The following CSMD1 variants were observed in gnomAD, a reference collection of about 807,000 sequenced individuals.
CSMD1 encodes CUB and sushi domain-containing protein 1.
A neutral mutation model predicts 417.5 loss-of-function variants in CSMD1; 213 were observed. That is an observed-to-expected ratio of 0.51 (90% CI 0.46 to 0.57). The LOEUF is 0.57. Ranked by LOEUF, CSMD1 falls within the 20% of genes least tolerant of loss-of-function variation. CSMD1 has a pLI of 0.00. For missense variants in CSMD1, 6,923 were observed against 4,529.7 expected (o/e 1.53, Z -15.17); for synonymous variants, 2,862 against 1,736.8 (o/e 1.65, Z -16.11).
intron 5 of CSMD1, among the ~76,000 whole-genome samples, chr8:3,947,498 G>A (rs1378195732): frequency 1.3e-5 from 2 of 151,992 alleles, no homozygotes; most frequent in Non-Finnish European, 2.9e-5. Flanking sequence ...TAGGTAATAT[G>A]TACTTCATAT....
At chr8:4,237,694 G>T (rs910806740) in intron 3 of CSMD1, among the ~76,000 whole-genome samples, 1 of 152,032 alleles carries the variant, frequency 6.6e-6, no homozygotes, top group African/African-American at 2.4e-5. Context: ...TTTACTTTTT[G>T]TAGAGACATG....
intron 1 of CSMD1, among the ~76,000 whole-genome samples, chr8:4,842,822 T>A (rs924217608): frequency 4.6e-5 from 7 of 152,236 alleles, no homozygotes; most frequent in Non-Finnish European, 1.0e-4. Flanking sequence ...GTGAGTCACT[T>A]TCTCAAAGTA....
Position 3,780,239 on chromosome 8 carries a change from C to T in CSMD1, c.819-26197G>A, listed in dbSNP as rs147446396. ...AGTACACTGGCATTAATCAAATCAG[C>T]ATTGTCTGGTTCTTCCATGCTCAGA... On this transcript the variant is annotated intron_variant, in intron 5 of 69. Coordinates refer to ENST00000635120, the MANE Select transcript of CSMD1 (RefSeq NM_033225.6). Among the ~76,000 whole-genome samples, 11 of 152,312 alleles carry T rather than the reference C, an allele frequency of 7.2e-5. No individual in the cohort carries two copies. The East Asian group carries it at 7.7e-4, about 11-fold the overall frequency.
intron 3 of CSMD1, among the ~76,000 whole-genome samples, chr8:4,287,539 G>C (rs193243386): frequency 1.3e-5 from 2 of 151,972 alleles, no homozygotes; most frequent in South Asian, 2.1e-4. Context: ...TCCCATTATC[G>C]TTATAGATAA....
At chr8:4,148,791 G>C (rs78526450) in intron 3 of CSMD1, among the ~76,000 whole-genome samples, 4,085 of 152,182 alleles carry the variant, frequency 0.027, 168 homozygotes, top group African/African-American at 0.093. Flanking sequence ...ATTTCAACAG[G>C]TGCATTGGGA....
At chr8:3,263,786 T>A (rs1388488955) in intron 26 of CSMD1, among the ~76,000 whole-genome samples, 1 of 152,210 alleles carries the variant, frequency 6.6e-6, no homozygotes, top group Non-Finnish European at 1.5e-5. Context: ...AATTGTGACT[T>A]CTCTGACACA....
intron 2 of CSMD1, among the ~76,000 whole-genome samples, chr8:4,460,349 A>T (rs1799738341): frequency 6.6e-6 from 1 of 152,142 alleles, no homozygotes; most frequent in South Asian, 2.1e-4. Context: ...CATAGAGGGA[A>T]ATTTAGAGTA....
chr8:4,269,336 G>T (rs1196586917), intron 3 of CSMD1, among the ~76,000 whole-genome samples: 1 of 152,170 alleles, frequency 6.6e-6, no homozygotes, highest in Non-Finnish European at 1.5e-5. Flanking sequence ...AAAGTGCTGG[G>T]ATTACAGGTG....
chr8:3,880,117 C>G (rs556197539), intron 5 of CSMD1, among the ~76,000 whole-genome samples: 1 of 151,958 alleles, frequency 6.6e-6, no homozygotes, highest in Non-Finnish European at 1.5e-5. Flanking sequence ...CATTTACTGT[C>G]ACAAGTTTCT....
intron 5 of CSMD1, among the ~76,000 whole-genome samples, chr8:3,875,034 G>C (rs373392170): frequency 2.0e-5 from 3 of 152,212 alleles, no homozygotes; most frequent in East Asian, 3.9e-4. Context: ...ACAAAGGCTG[G>C]CATGAGCTGG....
chr8:4,500,861 C>G (rs1036557), intron 2 of CSMD1, among the ~76,000 whole-genome samples: 75,044 of 151,958 alleles, frequency 0.49, 19,865 homozygotes, highest in African/African-American at 0.7. Context: ...TTATCTGTCT[C>G]TGGCGTAACC....
chr8:4,640,843 T>C (rs1257225050), intron 1 of CSMD1, among the ~76,000 whole-genome samples: 8 of 138,896 alleles, frequency 5.8e-5, no homozygotes, highest in Admixed American at 4.5e-4. Context: ...TTTACAGGGA[T>C]TGAAACCTTA....
chr8:3,477,510 G>A (rs1278592656), intron 11 of CSMD1, among the ~76,000 whole-genome samples: 1 of 152,222 alleles, frequency 6.6e-6, no homozygotes, highest in South Asian at 2.1e-4. Flanking sequence ...GATAAGTAAA[G>A]ACAAGGTACT....
chr8:3,171,233 T>A (rs1433466597), intron 37 of CSMD1, among the ~76,000 whole-genome samples: 1 of 152,192 alleles, frequency 6.6e-6, no homozygotes, highest in African/African-American at 2.4e-5. Context: ...TGGTGAACTG[T>A]GATAGAAGCA....
chr8:4,464,804 G>A (rs1019445285), intron 2 of CSMD1, among the ~76,000 whole-genome samples: 1 of 152,066 alleles, frequency 6.6e-6, no homozygotes, highest in Non-Finnish European at 1.5e-5. Context: ...CAAGAAAACT[G>A]ATTCTCTTTG....
intron 1 of CSMD1, among the ~76,000 whole-genome samples, chr8:4,696,856 T>C (rs1175843202): frequency 1.3e-5 from 2 of 152,186 alleles, no homozygotes; most frequent in Admixed American, 6.5e-5. Flanking sequence ...GTGACAGAGC[T>C]GTAAAGCTCT....
At chr8:4,487,035 G>A (rs936898262) in intron 2 of CSMD1, among the ~76,000 whole-genome samples, 1 of 152,092 alleles carries the variant, frequency 6.6e-6, no homozygotes, top group Non-Finnish European at 1.5e-5. Flanking sequence ...CCACTGAAGA[G>A]AATTGTAATA....
At chr8:4,648,869 A>G (rs188776343) in intron 1 of CSMD1, among the ~76,000 whole-genome samples, 1 of 152,200 alleles carries the variant, frequency 6.6e-6, no homozygotes, top group Admixed American at 6.5e-5. Context: ...CCACCACAGT[A>G]ACAACGTCAC....
chr8:4,521,585 T>C (rs1040883050), intron 2 of CSMD1, among the ~76,000 whole-genome samples: 1 of 152,224 alleles, frequency 6.6e-6, no homozygotes, highest in Non-Finnish European at 1.5e-5. Flanking sequence ...ATTTCATTGA[T>C]GGATACAAAA....
Sources: allele counts gnomAD v4.1 joint callset (sites outside exome capture counted in the v4.1 genomes callset), GRCh38; gene constraint gnomAD v4.1.1; transcripts MANE v1.5; gene names NCBI Gene and HGNC (gene_info 2026-07-23, HGNC 2026-07-21).